Variants in EYS observed in about 807,000 individuals in gnomAD.
EYS encodes the protein protein eyes shut homolog.
A neutral mutation model predicts 282.1 loss-of-function variants in EYS; 250 were observed. The ratio of observed to expected loss-of-function variants is 0.89; its 90% CI spans 0.80 to 0.98. EYS has a LOEUF of 0.98. Ranked by LOEUF, EYS falls within the 50% of genes least tolerant of loss-of-function variation. EYS has a pLI of 0.00. For synonymous variants in EYS, 1,355 were observed against 1,282.9 expected, an observed-to-expected ratio of 1.06 and a Z score of -1.20; for missense variants, 4,016 against 3,709.0, an observed-to-expected ratio of 1.08 and a Z score of -2.15.
chr6:64,443,807 C>T lies in EYS; in HGVS notation c.5645-4455G>A, dbSNP rs535127375. Reference sequence around the variant, plus strand: ...GCCATGATTGTGAGGCCTCCCCAGCCATGTGGAACTGTAAGTCCAATAAAA... The same window carrying T: ...GCCATGATTGTGAGGCCTCCCCAGCTATGTGGAACTGTAAGTCCAATAAAA... On this transcript the variant is annotated intron_variant, in intron 26 of 42. Transcript: ENST00000503581. 2.0e-5 allele frequency among the ~76,000 whole-genome samples: 3 copies of T among 152,294 alleles called. No individual in the cohort carries two copies. The South Asian group carries it at 6.2e-4, about 32-fold the overall frequency.
At chr6:65,463,700 A>C (rs543271259) in intron 5 of EYS, among the ~76,000 whole-genome samples, 15 of 152,294 alleles carry the variant, frequency 9.8e-5, no homozygotes, top group South Asian at 4.1e-4. Context: ...TTGTCAGGAA[A>C]ATAAACGTTG....
intron 1 of EYS, among the ~76,000 whole-genome samples, chr6:65,683,153 T>G (rs1423429469): frequency 2.0e-5 from 3 of 152,032 alleles, no homozygotes. Context: ...ATATATTTGA[T>G]GTGTTTTTAT....
chr6:65,106,112 T>C (rs75032925), intron 12 of EYS, among the ~76,000 whole-genome samples: 3,325 of 152,014 alleles, frequency 0.022, 83 homozygotes, highest in African/African-American at 0.062. Context: ...TGACCTTTCA[T>C]TGGAGAAAAA....
chr6:65,138,152 G>C (rs1173124050), intron 12 of EYS, among the ~76,000 whole-genome samples: 2 of 152,084 alleles, frequency 1.3e-5, no homozygotes, highest in East Asian at 3.9e-4. Context: ...TTTTCAATGA[G>C]AGGATTTGAG....
At chr6:64,073,858 A>G (rs1026087228) in intron 32 of EYS, among the ~76,000 whole-genome samples, 47 of 151,660 alleles carry the variant, frequency 3.1e-4, no homozygotes, top group African/African-American at 1.1e-3. Context: ...TAATGTTCTA[A>G]TTTGTGCTAC....
intron 28 of EYS, among the ~76,000 whole-genome samples, chr6:64,413,963 C>T (rs1235636949): frequency 1.3e-5 from 2 of 152,092 alleles, no homozygotes; most frequent in East Asian, 3.9e-4. Flanking sequence ...CATAAGGACA[C>T]TATGAGAAGG....
intron 30 of EYS, among the ~76,000 whole-genome samples, chr6:64,293,391 G>T (rs1006113167): frequency 3.3e-5 from 5 of 152,042 alleles, no homozygotes; most frequent in African/African-American, 9.7e-5. Flanking sequence ...ATGATATGTG[G>T]GGGTGGATAA....
At chr6:65,041,414 C>T (rs997482916) in intron 13 of EYS, among the ~76,000 whole-genome samples, 2 of 151,552 alleles carry the variant, frequency 1.3e-5, no homozygotes, top group African/African-American at 4.8e-5. Context: ...GTCTACATTC[C>T]TCTGCCTTAG....
chr6:65,398,354 A>G (rs1268421382), intron 7 of EYS, among the ~76,000 whole-genome samples: 1 of 152,104 alleles, frequency 6.6e-6, no homozygotes, highest in African/African-American at 2.4e-5. Flanking sequence ...GAAAAAGTCA[A>G]CAAAAATATA....
chr6:64,325,258 A>G (rs1307910699), intron 29 of EYS, among the ~76,000 whole-genome samples: 2 of 152,178 alleles, frequency 1.3e-5, no homozygotes, highest in Non-Finnish European at 2.9e-5. Context: ...GACTCTGTGC[A>G]GACAACCCCC....
At chr6:64,050,467 T>A (rs1387221156) in intron 33 of EYS, among the ~76,000 whole-genome samples, 1 of 152,204 alleles carries the variant, frequency 6.6e-6, no homozygotes, top group African/African-American at 2.4e-5. Flanking sequence ...AGACTCCTAA[T>A]TAAAATGTAC....
chr6:65,140,024 T>A (rs1485189446), intron 12 of EYS, among the ~76,000 whole-genome samples: 1 of 151,932 alleles, frequency 6.6e-6, no homozygotes, highest in African/African-American at 2.4e-5. Context: ...CAAGTAAATA[T>A]CACCACGAAG....
At chr6:64,463,075 C>T (rs1391583852) in intron 26 of EYS, among the ~76,000 whole-genome samples, 6 of 151,332 alleles carry the variant, frequency 4.0e-5, no homozygotes, top group Non-Finnish European at 8.8e-5. Flanking sequence ...GCCTCCCAAG[C>T]AGCTGGGACT....
chr6:63,827,227 A>G (rs1771493515), intron 36 of EYS, among the ~76,000 whole-genome samples: 1 of 152,210 alleles, frequency 6.6e-6, no homozygotes, highest in African/African-American at 2.4e-5. Flanking sequence ...AAATATCACA[A>G]ACCTAAACAC....
chr6:64,875,348 C>G (rs557910458), intron 19 of EYS, among the ~76,000 whole-genome samples: 1 of 152,078 alleles, frequency 6.6e-6, no homozygotes, highest in East Asian at 1.9e-4. Context: ...AATTATTGAG[C>G]TTTTGTGATT....
chr6:64,537,640 A>G (rs73767316), intron 26 of EYS, among the ~76,000 whole-genome samples: 36 of 152,288 alleles, frequency 2.4e-4, no homozygotes, highest in African/African-American at 7.9e-4. Context: ...CTTAACACAT[A>G]ATCTCTCTTG....
At chr6:64,304,910 T>TAA (rs1491319258) in intron 30 of EYS, among the ~76,000 whole-genome samples, 1 of 152,106 alleles carries the variant, frequency 6.6e-6, no homozygotes, top group East Asian at 1.9e-4. Context: ...ATGCTTGTGT[T>TAA]AAAAAATAAG....
chr6:65,151,081 T>G (rs940254557), intron 12 of EYS, among the ~76,000 whole-genome samples: 1 of 152,040 alleles, frequency 6.6e-6, no homozygotes, highest in Admixed American at 6.6e-5. Flanking sequence ...GAATATTATG[T>G]ATTTTTTAGT....
intron 28 of EYS, among the ~76,000 whole-genome samples, chr6:64,396,184 T>C (rs1310962593): frequency 1.3e-5 from 2 of 152,176 alleles, no homozygotes; most frequent in African/African-American, 4.8e-5. Flanking sequence ...TTTCAAGATA[T>C]ATAGTCAGAT....
Sources: gnomAD v4.1 joint callset for allele counts (sites outside exome capture counted in the v4.1 genomes callset) on GRCh38, gnomAD v4.1.1 for gene constraint, MANE v1.5 for transcripts, NCBI Gene and HGNC (gene_info 2026-07-23, HGNC 2026-07-21) for gene names.